Variants in LRRC7 observed in about 807,000 individuals in gnomAD.
The protein encoded by LRRC7 is leucine-rich repeat-containing protein 7.
Under a neutral mutation model 175.7 loss-of-function variants are expected in LRRC7, and 23 were observed. The ratio of observed to expected loss-of-function variants is 0.13; its 90% CI spans 0.09 to 0.19. The LOEUF is 0.19. Among genes scored for constraint, LRRC7 ranks in the 10% least tolerant of loss-of-function variants. The probability of loss-of-function intolerance (pLI) is 1.00; values close to 1 mark genes in which losing one functional copy is unlikely to be tolerated. For missense variants in LRRC7, 1,354 were observed against 1,904.7 expected, an observed-to-expected ratio of 0.71 and a Z score of 5.38; for synonymous variants, 685 against 680.9, an observed-to-expected ratio of 1.01 and a Z score of -0.09.
At chr1:69,608,026 A>G (rs891096614) in intron 1 of LRRC7, 4 of 152,656 alleles carry the variant, frequency 2.6e-5, no homozygotes, top group Non-Finnish European at 4.4e-5. Context: ...TATCTTTTGA[A>G]GCAAATAGCT....
rs528528091 is a variant in LRRC7, at chr1:69,681,500, C to T, written c.100+3022C>T. Among the ~76,000 whole-genome samples, 5 of 152,130 alleles carry T rather than the reference C, an allele frequency of 3.3e-5. No homozygotes were observed. In the East Asian group the frequency reaches 5.8e-4, roughly 18 times the overall value. ...TTTGCAATGTTAAAATCAACATAGA[C>T]GTAGATCTAAGTTATTTAATGGGAA... On this transcript the variant is annotated intron_variant, in intron 2 of 26. Coordinates refer to ENST00000651989, the MANE Select transcript of LRRC7 (RefSeq NM_001370785.2).
At chr1:69,680,044 G>T (rs942726605) in intron 2 of LRRC7, among the ~76,000 whole-genome samples, 4 of 152,074 alleles carry the variant, frequency 2.6e-5, no homozygotes, top group Non-Finnish European at 5.9e-5. Context: ...ATTTACCTGG[G>T]TCTTCATAAA....
chr1:70,031,427 T>C (rs12040667), intron 18 of LRRC7, among the ~76,000 whole-genome samples: 32,860 of 152,072 alleles, frequency 0.22, 3,614 homozygotes, highest in African/African-American at 0.24. Flanking sequence ...ACACTCTTGG[T>C]ATATAAATGC....
At chr1:69,813,697 G>A (rs1359785362) in intron 4 of LRRC7, among the ~76,000 whole-genome samples, 2 of 152,098 alleles carry the variant, frequency 1.3e-5, no homozygotes, top group Admixed American at 1.3e-4. Flanking sequence ...GCCTAGGTTT[G>A]AATATAACCT....
chr1:70,025,845 C>G (rs1208292492), intron 17 of LRRC7, among the ~76,000 whole-genome samples: 2 of 151,028 alleles, frequency 1.3e-5, no homozygotes, highest in Non-Finnish European at 3.0e-5. Flanking sequence ...GGGGGGGGTC[C>G]TCTTTCAGAA....
rs1012668401 is a variant in LRRC7, at chr1:70,127,712, A to G, written c.*5825A>G. The stretch of plus-strand genomic sequence containing the variant: ...CTGCAGCTCTGTCAATACTTCCACA[A>G]ATTGTCTGCAAAACACCCCTTTTGT... On this transcript the variant is annotated 3_prime_UTR_variant, in exon 27 of 27. Transcript: ENST00000651989. 6.6e-6 allele frequency among the ~76,000 whole-genome samples: 1 copy of G among 152,158 alleles called. No homozygotes were observed. The highest frequency in any genetic ancestry group is 6.5e-5 in the Admixed American group (1 of 15,278).
intron 2 of LRRC7, among the ~76,000 whole-genome samples, chr1:69,726,913 G>C (rs969509922): frequency 6.6e-6 from 1 of 152,164 alleles, no homozygotes; most frequent in Non-Finnish European, 1.5e-5. Context: ...TGTAGGTTAA[G>C]CTACTGACTG....
chr1:69,651,563 C>T (rs763161998), intron 1 of LRRC7, among the ~76,000 whole-genome samples: 38 of 152,146 alleles, frequency 2.5e-4, no homozygotes, highest in Non-Finnish European at 5.1e-4. Flanking sequence ...CCTAGCCCCT[C>T]CACAGAAATA....
rs138653625 is a variant in LRRC7 at position 69,822,387 on chromosome 1, C to A, written c.422-3361C>A. Among the ~76,000 whole-genome samples, 517 of 152,284 alleles carry A rather than the reference C, an allele frequency of 3.4e-3. 1 individual carries two copies. Among genetic ancestry groups the A allele is most frequent in the African/African-American group, 0.011 (468 of 41,572 alleles). ...TGAAAAACACAACGTGTTGGGAGGA[C>A]CTATGAATCAGTTATGGTGGTCCAC... is the stretch of plus-strand genomic sequence containing the variant. On this transcript the variant is annotated intron_variant, in intron 4 of 26. Coordinates refer to ENST00000651989, the MANE Select transcript of LRRC7 (RefSeq NM_001370785.2).
At chr1:70,111,521 A>G (rs1427642204) in intron 26 of LRRC7, among the ~76,000 whole-genome samples, 1 of 152,180 alleles carries the variant, frequency 6.6e-6, no homozygotes, top group African/African-American at 2.4e-5. Context: ...AGCCATGTGA[A>G]TTTGCCAATA....
At chr1:69,631,033 T>G (rs1024756524) in intron 1 of LRRC7, among the ~76,000 whole-genome samples, 3 of 152,194 alleles carry the variant, frequency 2.0e-5, no homozygotes, top group Non-Finnish European at 4.4e-5. Context: ...TCATTTTTTT[T>G]TATTGAACCT....
intron 25 of LRRC7, among the ~76,000 whole-genome samples, chr1:70,095,890 CAG>C (rs1373332546): frequency 6.6e-6 from 1 of 151,834 alleles, no homozygotes; most frequent in African/African-American, 2.4e-5. Context: ...CCAATAAATC[CAG>C]AGTTAAAGAG....
intron 5 of LRRC7, among the ~76,000 whole-genome samples, chr1:69,832,468 T>C (rs1680637924): frequency 6.6e-6 from 1 of 152,020 alleles, no homozygotes; most frequent in African/African-American, 2.4e-5. Flanking sequence ...AGTAGAAAAA[T>C]AGGTAAAATA....
chr1:69,587,314 C>G (rs1016737147), intron 1 of LRRC7, among the ~76,000 whole-genome samples: 3 of 152,132 alleles, frequency 2.0e-5, no homozygotes, highest in African/African-American at 7.2e-5. Flanking sequence ...CACAACAGTT[C>G]CCCAGTTCAG....
At chr1:70,115,538 G>T (rs1254960574) in intron 26 of LRRC7, among the ~76,000 whole-genome samples, 1 of 152,126 alleles carries the variant, frequency 6.6e-6, no homozygotes, top group East Asian at 1.9e-4. Flanking sequence ...AGCAAATTTT[G>T]CTGATAGTGT....
intron 2 of LRRC7, among the ~76,000 whole-genome samples, chr1:69,758,718 GC>G (rs1327969457): frequency 6.6e-6 from 1 of 151,788 alleles, no homozygotes; most frequent in Non-Finnish European, 1.5e-5. Context: ...GGCCATGTTT[GC>G]GCAGTGTTTA....
chr1:69,646,917 G>C (rs760136659), intron 1 of LRRC7, among the ~76,000 whole-genome samples: 1 of 152,048 alleles, frequency 6.6e-6, no homozygotes, highest in Admixed American at 6.6e-5. Context: ...CATGGGAGCT[G>C]CTTTTAGAGG....
chr1:70,084,294 CT>C (rs1663439706), intron 24 of LRRC7, among the ~76,000 whole-genome samples: 1 of 152,086 alleles, frequency 6.6e-6, no homozygotes, highest in Non-Finnish European at 1.5e-5. Flanking sequence ...CAAAAAAAAA[CT>C]TTGCATCCTT....
chr1:70,126,677 G>A lies in LRRC7; in HGVS notation c.*4790G>A, dbSNP rs537286534. ...GTGGGCTGTGGACAAATAGATGTGC[G>A]CTATGTATAGAAAGCATGTGGGTCA... On this transcript the variant is annotated 3_prime_UTR_variant, in exon 27 of 27. Coordinates refer to ENST00000651989, the MANE Select transcript of LRRC7 (RefSeq NM_001370785.2). Among the ~76,000 whole-genome samples the A allele has an allele frequency of 3.3e-5, 5 of 152,162 alleles. No homozygotes were observed. The highest frequency in any genetic ancestry group is 2.1e-4 in the South Asian group (1 of 4,824).
Sources: gnomAD v4.1 joint callset for allele counts (sites outside exome capture counted in the v4.1 genomes callset) on GRCh38, gnomAD v4.1.1 for gene constraint, MANE v1.5 for transcripts, NCBI Gene and HGNC (gene_info 2026-07-23, HGNC 2026-07-21) for gene names.